KHDRBS3: variants seen among roughly 807,000 people sequenced by gnomAD.
KHDRBS3 encodes the protein KH RNA binding domain containing, signal transduction associated 3, also known as KH domain-containing, RNA-binding, signal transduction-associated protein 3.
In KHDRBS3, 23 loss-of-function variants were observed where a neutral mutation model predicts 45.6. That is an observed-to-expected ratio of 0.50 (90% CI 0.36 to 0.72). The LOEUF is 0.72. KHDRBS3 is among the 30% of genes least tolerant of loss of function. KHDRBS3 has a pLI of 0.00. For missense variants in KHDRBS3, 352 were observed against 424.8 expected, an observed-to-expected ratio of 0.83 and a Z score of 1.51; for synonymous variants, 162 against 156.5, an observed-to-expected ratio of 1.04 and a Z score of -0.26.
intron 5 of KHDRBS3, among the ~76,000 whole-genome samples, chr8:135,557,801 A>G (rs528171789): frequency 9.8e-5 from 15 of 152,302 alleles, no homozygotes; most frequent in Admixed American, 3.3e-4. Flanking sequence ...CTGCACTCCA[A>G]TGTGGGCAAC....
intron 7 of KHDRBS3, among the ~76,000 whole-genome samples, chr8:135,609,067 T>C (rs935058806): frequency 2.6e-5 from 4 of 152,208 alleles, no homozygotes; most frequent in Non-Finnish European, 5.9e-5. Flanking sequence ...GCAGGCTTTA[T>C]AAACACTAAA....
rs1823437158 is a variant in KHDRBS3, at chr8:135,496,206, A to G, written c.89-25031A>G. ...AGGTCATGCAAAAAAAAAATAGCAA[A>G]AGATAATCAGTGACGAAGAAAACTC... On this transcript the variant is annotated intron_variant, in intron 1 of 8. Transcript: ENST00000355849. 4.0e-5 allele frequency among the ~76,000 whole-genome samples: 6 copies of G among 150,922 alleles called. No homozygotes were observed. The South Asian group carries it at 1.3e-3, about 32-fold the overall frequency.
intron 1 of KHDRBS3, among the ~76,000 whole-genome samples, chr8:135,466,581 A>G (rs1283425412): frequency 6.6e-6 from 1 of 152,240 alleles, no homozygotes; most frequent in Non-Finnish European, 1.5e-5. Context: ...TATATAAATC[A>G]AATTCCCAAA....
intron 1 of KHDRBS3, among the ~76,000 whole-genome samples, chr8:135,506,063 A>T (rs1370552438): frequency 1.3e-5 from 2 of 152,150 alleles, no homozygotes; most frequent in Non-Finnish European, 2.9e-5. Flanking sequence ...ATAGCTTAAT[A>T]ACTGGCATAG....
intron 5 of KHDRBS3, among the ~76,000 whole-genome samples, chr8:135,573,708 G>GT (rs1491082554): frequency 7.2e-5 from 9 of 124,596 alleles, no homozygotes; most frequent in East Asian, 1.9e-4. Context: ...CTGAGTGACT[G>GT]TTTTTTTGTT....
intron 5 of KHDRBS3, among the ~76,000 whole-genome samples, chr8:135,573,800 AT>A (rs1827820807): frequency 6.6e-6 from 1 of 151,950 alleles, no homozygotes; most frequent in African/African-American, 2.4e-5. Flanking sequence ...GCCTTCCTGG[AT>A]TTTTTTCATA....
chr8:135,650,591 C>T (rs796175799), downstream of KHDRBS3, among the ~76,000 whole-genome samples: 2 of 152,328 alleles, frequency 1.3e-5, no homozygotes, highest in African/African-American at 4.8e-5. Context: ...TACCTTATAA[C>T]TGGTAGAGCC....
chr8:135,636,217 A>C (rs2131160965), intron 7 of KHDRBS3, among the ~76,000 whole-genome samples: 1 of 152,244 alleles, frequency 6.6e-6, no homozygotes, highest in East Asian at 1.9e-4. Flanking sequence ...CCTTGAGATC[A>C]CCCTTGTACT....
rs183343518 is a variant in KHDRBS3 at position 135,545,701 on chromosome 8, A to G, written c.324+2931A>G. On this transcript the variant is annotated intron_variant, in intron 3 of 8. Transcript: ENST00000355849. ...AAACTCTTTTCCACCAGTTTTGTCT[A>G]TCTCTTGTCCACCTGTACTCCTCTC... is the stretch of plus-strand genomic sequence containing the variant. 2.0e-5 allele frequency among the ~76,000 whole-genome samples: 3 copies of G among 152,182 alleles called. No individual in the cohort carries two copies. In the East Asian group the frequency reaches 5.8e-4, roughly 29 times the overall value.
chr8:135,635,743 C>T (rs1248441390), intron 7 of KHDRBS3, among the ~76,000 whole-genome samples: 1 of 152,158 alleles, frequency 6.6e-6, no homozygotes, highest in Non-Finnish European at 1.5e-5. Flanking sequence ...ATACCAGTAA[C>T]CTTTTCATAC....
chr8:135,567,174 G>A (rs1306393819), intron 5 of KHDRBS3, among the ~76,000 whole-genome samples: 1 of 152,022 alleles, frequency 6.6e-6, no homozygotes, highest in African/African-American at 2.4e-5. Context: ...GAGCTTTTAA[G>A]CTATTCCCTT....
At chr8:135,655,798 G>A (rs964984784) in intron 4 of KHDRBS3, among the ~76,000 whole-genome samples, 12 of 152,100 alleles carry the variant, frequency 7.9e-5, no homozygotes, top group African/African-American at 2.9e-4. Flanking sequence ...TGTTTCGTAT[G>A]ACACATCAAA....
At chr8:135,603,233 C>T (rs1212864872) in intron 6 of KHDRBS3, among the ~76,000 whole-genome samples, 1 of 152,178 alleles carries the variant, frequency 6.6e-6, no homozygotes, top group Non-Finnish European at 1.5e-5. Flanking sequence ...ATCCTACTTA[C>T]TAGACTCCTT....
At chr8:135,566,068 TCA>T (rs1439225145) in intron 5 of KHDRBS3, among the ~76,000 whole-genome samples, 2 of 152,196 alleles carry the variant, frequency 1.3e-5, no homozygotes, top group Non-Finnish European at 2.9e-5. Context: ...CTTCAATGCC[TCA>T]CAACAGCCAT....
At position 135,460,197 on chromosome 8, in the gene KHDRBS3, C is replaced by A. The variant is rs1307025038; in HGVS notation, c.88+2243C>A. Among the ~76,000 whole-genome samples, 4 of 152,300 alleles carry A rather than the reference C, an allele frequency of 2.6e-5. No homozygotes were observed. In the East Asian group the frequency reaches 7.7e-4, roughly 29 times the overall value. On this transcript the variant is annotated intron_variant, in intron 1 of 8. Transcript: ENST00000355849. The stretch of plus-strand genomic sequence containing the variant: ...TCTTATTTAGTTATATTTGTGTTTG[C>A]CTCTAATGCAACTGTGTTTTCAGCA...
At position 135,625,316 on chromosome 8, in the gene KHDRBS3, A is replaced by G. The variant is rs534246655; in HGVS notation, c.890+18279A>G. On this transcript the variant is annotated intron_variant, in intron 7 of 8. Coordinates refer to ENST00000355849, the MANE Select transcript of KHDRBS3 (RefSeq NM_006558.3). The stretch of plus-strand genomic sequence containing the variant: ...TCCCCCTTGTTCTCCTGGCAATTCA[A>G]TGTTCTATAGCTTTCCGAAGTAGAA... The G allele has an allele frequency of 2.4e-4, 273 of 1,123,500 alleles. No individual in the cohort carries two copies. In the African/African-American group the frequency reaches 3.6e-3, roughly 15 times the overall value. The allele number at this position is 1,123,500 out of a possible 1,614,324, so 69.6% of individuals were successfully genotyped here.
At chr8:135,576,879 A>C (rs1827968347) in intron 5 of KHDRBS3, among the ~76,000 whole-genome samples, 1 of 152,244 alleles carries the variant, frequency 6.6e-6, no homozygotes, top group Admixed American at 6.5e-5. Context: ...TAAGCTAAAC[A>C]TGAGTTCATA....
chr8:135,649,246 T>G (rs1274854172), downstream of KHDRBS3, among the ~76,000 whole-genome samples: 1 of 152,200 alleles, frequency 6.6e-6, no homozygotes, highest in African/African-American at 2.4e-5. Context: ...CCAGAGAGTC[T>G]TACTTTTTCA....
At position 135,610,464 on chromosome 8, in the gene KHDRBS3, T is replaced by C. The variant is rs117796563; in HGVS notation, c.890+3427T>C. On this transcript the variant is annotated intron_variant, in intron 7 of 8. Transcript: ENST00000355849. ...TTTGGTTATTTATTCAATCAGTGTT[T>C]ATTGAATGTCCATTTTGTGCTAGGC... Among the ~76,000 whole-genome samples, 1,025 of 152,006 alleles carry C rather than the reference T, an allele frequency of 6.7e-3. 4 individuals are homozygous for C. The highest frequency in any genetic ancestry group is 0.011 in the Non-Finnish European group (767 of 68,026).
Sources: allele counts gnomAD v4.1 joint callset (sites outside exome capture counted in the v4.1 genomes callset), GRCh38; gene constraint gnomAD v4.1.1; transcripts MANE v1.5; gene names NCBI Gene and HGNC (gene_info 2026-07-23, HGNC 2026-07-21).